ITPRID2: variants seen among roughly 807,000 people sequenced by gnomAD.
ITPRID2 encodes ITPR interacting domain containing 2, also known as protein ITPRID2.
A neutral mutation model predicts 124.3 loss-of-function variants in ITPRID2; 60 were observed. The observed-to-expected ratio is 0.48, with a 90% CI of 0.39 to 0.60. The LOEUF is 0.60. ITPRID2 is among the 20% of genes least tolerant of loss of function. ITPRID2 has a pLI of 0.00. For missense variants in ITPRID2, 1,553 were observed against 1,512.2 expected (o/e 1.03, Z -0.45); for synonymous variants, 521 against 542.9 (o/e 0.96, Z 0.56).
At chr2:181,904,979 T>A (rs1005073261) in intron 8 of ITPRID2, among the ~76,000 whole-genome samples, 15 of 152,174 alleles carry the variant, frequency 9.9e-5, no homozygotes, top group Admixed American at 1.3e-4. Context: ...AGACTTTCAG[T>A]TAAAAGTCAA....
rs761125576 is a variant in ITPRID2, at chr2:181,902,369, A to G, written c.1316A>G (p.His439Arg). ...AATAGCAGTGAGCTGAAAAGTGTCCATATATCCACACCTGAAAAAGAGCCT... is the reference window on the plus strand; with the variant it reads ...AATAGCAGTGAGCTGAAAAGTGTCCGTATATCCACACCTGAAAAAGAGCCT... ...LENSSELKSV[H>R]ISTPEKEPCA... The change falls in exon 8 of 18, where the codon CAT (histidine) becomes CGT (arginine). Residue 439 changes from histidine (H) to arginine (R), a missense_variant. By Grantham distance (29) the His-to-Arg change is conservative. Coordinates refer to ENST00000431877, the MANE Select transcript of ITPRID2 (RefSeq NM_001130445.3). The surrounding 1 kb of genome is among the most constrained non-coding windows in gnomAD (Gnocchi z 4.4). 11 of 1,613,968 alleles carry G rather than the reference A, an allele frequency of 6.8e-6. No homozygotes were observed. The South Asian group carries it at 7.7e-5, about 11-fold the overall frequency.
intron 8 of ITPRID2, among the ~76,000 whole-genome samples, chr2:181,908,343 C>T (rs928048642): frequency 3.3e-5 from 5 of 152,174 alleles, no homozygotes; most frequent in Admixed American, 1.3e-4. Flanking sequence ...AACATAAATG[C>T]AGAGGCATTG....
chr2:181,907,220 C>T lies in ITPRID2; in HGVS notation c.1414-2679C>T, dbSNP rs558897176. Among the ~76,000 whole-genome samples, 2 of 152,100 alleles carry T rather than the reference C, an allele frequency of 1.3e-5. No individual in the cohort carries two copies. The highest frequency in any genetic ancestry group is 1.3e-4 in the Admixed American group (2 of 15,284). The stretch of plus-strand genomic sequence containing the variant: ...GGTAAACATGACAGCTGTTAAGAAA[C>T]CAAAGTGGTTCACTGAAACAAAAAG... On this transcript the variant is annotated intron_variant, in intron 8 of 17. Coordinates refer to ENST00000431877, the MANE Select transcript of ITPRID2 (RefSeq NM_001130445.3). This position sits in a 1 kb window ranked among gnomAD's most constrained non-coding sequence, Gnocchi z 5.1.
intron 9 of ITPRID2, among the ~76,000 whole-genome samples, chr2:181,913,464 T>G (rs542833680): frequency 6.6e-6 from 1 of 152,318 alleles, no homozygotes; most frequent in East Asian, 1.9e-4. Flanking sequence ...TCTTTACATA[T>G]TTACATAATG....
rs116331855 is a variant in ITPRID2 at position 181,904,214 on chromosome 2, G to A, written c.1413+1748G>A. Among the ~76,000 whole-genome samples, 1,410 of 152,150 alleles carry A rather than the reference G, an allele frequency of 9.3e-3. 25 individuals carry two copies. Among genetic ancestry groups the A allele is most frequent in the African/African-American group, 0.032 (1,317 of 41,524 alleles). ...AAGTTAACCTTTAATGATAGTCTGGGGGTTTTTTGCCCCCTCTACTGGCAA... is the reference window on the plus strand; with the variant it reads ...AAGTTAACCTTTAATGATAGTCTGGAGGTTTTTTGCCCCCTCTACTGGCAA... On this transcript the variant is annotated intron_variant, in intron 8 of 17. Coordinates refer to ENST00000431877, the MANE Select transcript of ITPRID2 (RefSeq NM_001130445.3).
Sources: gnomAD v4.1 joint callset for allele counts (sites outside exome capture counted in the v4.1 genomes callset) on GRCh38, gnomAD v4.1.1 for gene constraint, Gnocchi (gnomAD v3.1) non-coding constraint, MANE v1.5 for transcripts, NCBI Gene and HGNC (gene_info 2026-07-23, HGNC 2026-07-21) for gene names.